REV3L: variants seen among roughly 807,000 people sequenced by gnomAD.
REV3L encodes the protein REV3 like, DNA directed polymerase zeta catalytic subunit.
In REV3L, 69 loss-of-function variants were observed where a neutral mutation model predicts 299.4. That is an observed-to-expected ratio of 0.23 (90% confidence interval 0.19 to 0.28). REV3L has a LOEUF of 0.28. Among genes scored for constraint, REV3L ranks in the 10% least tolerant of loss-of-function variants. The pLI is 1.00. For missense variants in REV3L, 3,128 were observed against 3,693.8 expected, an observed-to-expected ratio of 0.85 and a Z score of 3.97; for synonymous variants, 1,238 against 1,271.4, an observed-to-expected ratio of 0.97 and a Z score of 0.56.
chr6:111,316,154 C>T (rs1462928048), intron 26 of REV3L, among the ~76,000 whole-genome samples: 1 of 150,794 alleles, frequency 6.6e-6, no homozygotes, highest in Non-Finnish European at 1.5e-5. Context: ...AGGAGAATCG[C>T]TTGAGCCTGG....
At chr6:111,478,522 A>T (rs77570030) in intron 1 of REV3L, among the ~76,000 whole-genome samples, 7 of 152,144 alleles carry the variant, frequency 4.6e-5, no homozygotes, top group Non-Finnish European at 1.0e-4. Context: ...TTAGTAAAAA[A>T]CAGACTATGA....
At chr6:111,462,700 G>T (rs1028890579) in intron 1 of REV3L, among the ~76,000 whole-genome samples, 8 of 152,128 alleles carry the variant, frequency 5.3e-5, no homozygotes, top group African/African-American at 1.9e-4. Context: ...CACACTTCTG[G>T]TGGGAGTATA....
At chr6:111,401,048 A>G (rs904148991) in intron 4 of REV3L, among the ~76,000 whole-genome samples, 1 of 152,096 alleles carries the variant, frequency 6.6e-6, no homozygotes, top group Admixed American at 6.6e-5. Flanking sequence ...AGTTGACTAT[A>G]TGGGCCAATT....
chr6:111,317,027 A>G (rs1773609008), intron 26 of REV3L, among the ~76,000 whole-genome samples: 1 of 152,222 alleles, frequency 6.6e-6, no homozygotes. Flanking sequence ...TGGTTAATAA[A>G]TATTTAAGTA....
At chr6:111,383,273 A>G (rs1022522757) in intron 9 of REV3L, among the ~76,000 whole-genome samples, 2 of 152,240 alleles carry the variant, frequency 1.3e-5, no homozygotes, top group Non-Finnish European at 2.9e-5. Context: ...AGTCCTAGTT[A>G]GAGTAATCAG....
At chr6:111,474,972 T>C (rs1453066576) in intron 1 of REV3L, among the ~76,000 whole-genome samples, 1 of 126,544 alleles carries the variant, frequency 7.9e-6, no homozygotes, top group Non-Finnish European at 1.6e-5. Flanking sequence ...CATTACATTC[T>C]ATAGCTGCCT....
chr6:111,369,881 G>A (rs1779608388), intron 13 of REV3L, among the ~76,000 whole-genome samples: 1 of 150,980 alleles, frequency 6.6e-6, no homozygotes, highest in Non-Finnish European at 1.5e-5. Context: ...TGTGTCACCA[G>A]GCTGGAGTGC....
intron 1 of REV3L, chr6:111,431,535 TC>T: frequency 1.1e-5 from 9 of 826,088 alleles, no homozygotes. Flanking sequence ...CCAGACCCCC[TC>T]CCAACATGAT....
Position 111,319,134 on chromosome 6 carries a change from A to G in REV3L, c.8351+3435T>C, listed in dbSNP as rs1773853982. ...TAAAAATTATAATTCCATAAAAATG[A>G]TAAAGAAATAAAGGTACATATACTT... On this transcript the variant is annotated intron_variant, in intron 26 of 31. Transcript: ENST00000368802. Among the ~76,000 whole-genome samples, 3 of 152,198 alleles carry G rather than the reference A, an allele frequency of 2.0e-5. No homozygotes were observed. In the South Asian group the frequency reaches 6.2e-4, roughly 32 times the overall value.
intron 1 of REV3L, among the ~76,000 whole-genome samples, chr6:111,447,086 C>CGTAT (rs1562325490): frequency 6.6e-6 from 1 of 152,152 alleles, no homozygotes; most frequent in Non-Finnish European, 1.5e-5. Flanking sequence ...TAATTTTCAA[C>CGTAT]TATACCTACC....
chr6:111,418,538 TAATAGGG>T (rs1442416696), intron 1 of REV3L, among the ~76,000 whole-genome samples: 3 of 152,208 alleles, frequency 2.0e-5, no homozygotes, highest in Non-Finnish European at 4.4e-5. Context: ...ACTCAGCAGG[TAATAGGG>T]TAAGTGCTTT....
chr6:111,416,753 G>A (rs1392698596), intron 1 of REV3L, among the ~76,000 whole-genome samples: 1 of 152,174 alleles, frequency 6.6e-6, no homozygotes, highest in Non-Finnish European at 1.5e-5. Context: ...AACTAGTCTT[G>A]TGTACTTCAC....
intron 1 of REV3L, among the ~76,000 whole-genome samples, chr6:111,464,690 G>A (rs748364847): frequency 6.6e-6 from 1 of 152,080 alleles, no homozygotes; most frequent in Non-Finnish European, 1.5e-5. Flanking sequence ...AATGAGTTCT[G>A]TTATCTATGT....
chr6:111,300,131 A>G lies in REV3L; in HGVS notation c.9278T>C (p.Phe3093Ser), dbSNP rs1464715339. The change falls in exon 32 of 32, where the codon TTT (phenylalanine) becomes TCT (serine). Residue 3093 changes from phenylalanine to serine, a missense_variant. By Grantham distance (155) the Phe-to-Ser change is radical (BLOSUM62 -2). Around this residue, in one of 9 missense-constraint regions of REV3L, gnomAD observed 294 missense variants for 377.0 expected, o/e 0.78. Coordinates refer to ENST00000368802, the MANE Select transcript of REV3L (RefSeq NM_001372078.1). ...VKICKNCTGC[F>S]DRHIPCVSLN... ...AGAAACACATGGGATGTGTCGATCA[A>G]AGCAACCTGTACAGTTCTTGCATAT... 7 of 1,612,624 alleles carry G rather than the reference A, an allele frequency of 4.3e-6. No individual in the cohort carries two copies. The highest frequency in any genetic ancestry group is 5.1e-6 in the Non-Finnish European group (6 of 1,179,434).
chr6:111,374,994 T>C lies in REV3L; in HGVS notation c.3361A>G (p.Ile1121Val), dbSNP rs1051432240. The C allele has an allele frequency of 2.5e-6, 4 of 1,612,974 alleles. No homozygotes were observed. Among genetic ancestry groups the C allele is most frequent in the Admixed American group, 1.7e-5 (1 of 59,846 alleles). Residue 1121 changes from isoleucine (I) to valine (V), a missense_variant, in exon 13 of 32, where the codon ATA becomes GTA. Coordinates refer to ENST00000368802, the MANE Select transcript of REV3L (RefSeq NM_001372078.1). ...GFLSERSTSPINSSPPRCWSP... is the reference protein window; with the variant it reads ...GFLSERSTSPVNSSPPRCWSP... ...CAGCAGCGAGGTGGAGAAGAATTTA[T>C]GGGACTTGTGCTTCTCTCAGAAAGA...
At chr6:111,320,459 A>C (rs912320384) in intron 26 of REV3L, among the ~76,000 whole-genome samples, 3 of 152,322 alleles carry the variant, frequency 2.0e-5, no homozygotes, top group East Asian at 1.9e-4. Flanking sequence ...AGGAAAAAAA[A>C]ACACAAATTT....
intron 14 of REV3L, 68 bp downstream of exon 14, chr6:111,367,047 T>A: frequency 3.9e-6 from 5 of 1,294,438 alleles, no homozygotes; most frequent in Non-Finnish European, 5.3e-6. Context: ...TTCATTACAG[T>A]CTAATGTTAT....
chr6:111,353,745 A>G (rs1777805113), intron 18 of REV3L: 1 of 152,334 alleles, frequency 6.6e-6, no homozygotes, highest in East Asian at 1.9e-4. Context: ...GCACTCAAGG[A>G]AAGAGAAATA....
chr6:111,318,093 CT>C (rs531122236), intron 26 of REV3L, among the ~76,000 whole-genome samples: 98 of 145,260 alleles, frequency 6.7e-4, no homozygotes, highest in Admixed American at 6.9e-4. Flanking sequence ...TTTCTTTTTT[CT>C]TTTTTTTTTT....
Sources: gnomAD v4.1 joint callset for allele counts (sites outside exome capture counted in the v4.1 genomes callset) on GRCh38, gnomAD v4.1.1 for gene constraint, gnomAD v4.1.1 regional missense constraint, MANE v1.5 for transcripts, NCBI Gene and HGNC (gene_info 2026-07-23, HGNC 2026-07-21) for gene names.